DENND4A: variants seen among roughly 807,000 people sequenced by gnomAD.
DENND4A encodes DENN domain containing 4A.
DENND4A carries 70 observed loss-of-function variants against 199.3 expected under a neutral mutation model. The observed-to-expected ratio is 0.35, with a 90% confidence interval of 0.29 to 0.43. The LOEUF is 0.43. Ranked by LOEUF, DENND4A falls within the 20% of genes least tolerant of loss-of-function variation. The pLI is 1.00. For missense variants in DENND4A, 1,723 were observed against 2,255.8 expected (o/e 0.76, Z 4.78); for synonymous variants, 686 against 766.9 (o/e 0.89, Z 1.74).
chr15:65,722,017 T>C (rs957868315), intron 12 of DENND4A, among the ~76,000 whole-genome samples: 1 of 152,206 alleles, frequency 6.6e-6, no homozygotes, highest in African/African-American at 2.4e-5. Flanking sequence ...AACTTCGATT[T>C]TCAAACTTTA....
chr15:65,715,246 C>T (rs1343825821), intron 14 of DENND4A: 1 of 360,206 alleles, frequency 2.8e-6, no homozygotes, highest in Non-Finnish European at 4.9e-6. Flanking sequence ...GACTTGATTG[C>T]TACAATAAAA....
At chr15:65,729,355 TG>T in intron 10 of DENND4A, 108 bp from the exon 11 acceptor site, 1 of 1,371,800 alleles carries the variant, frequency 7.3e-7, no homozygotes, top group Non-Finnish European at 1.0e-6. Flanking sequence ...GCCTAATGCC[TG>T]ATAATGAATG....
intron 14 of DENND4A, among the ~76,000 whole-genome samples, chr15:65,706,913 T>C (rs1312195698): frequency 6.6e-6 from 1 of 152,238 alleles, no homozygotes; most frequent in Non-Finnish European, 1.5e-5. Flanking sequence ...GATGAATACA[T>C]ACCTTTTTAT....
At chr15:65,718,990 G>A (rs2075515588) in intron 12 of DENND4A, among the ~76,000 whole-genome samples, 1 of 151,220 alleles carries the variant, frequency 6.6e-6, no homozygotes, top group African/African-American at 2.4e-5. Flanking sequence ...GTGTTGGCGA[G>A]GCTAGTCTCG....
At position 65,746,139 on chromosome 15, in the gene DENND4A, C is replaced by T. The variant is rs1036529833; in HGVS notation, c.562-4355G>A. On this transcript the variant is annotated intron_variant, in intron 4 of 32. Transcript: ENST00000443035. ...CTGGGCGACAAGAGTGAAACTCCGTCTCAAAAAAAAAAAAAAGGAATTAAA... is the reference window on the plus strand; with the variant it reads ...CTGGGCGACAAGAGTGAAACTCCGTTTCAAAAAAAAAAAAAAGGAATTAAA... Among the ~76,000 whole-genome samples, 11 of 145,250 alleles carry T rather than the reference C, an allele frequency of 7.6e-5. 1 individual carries two copies. Among genetic ancestry groups the T allele is most frequent in the Admixed American group, 3.4e-4 (5 of 14,576 alleles).
chr15:65,791,411 C>T (rs2077718104), intron 1 of DENND4A, among the ~76,000 whole-genome samples: 1 of 151,826 alleles, frequency 6.6e-6, no homozygotes, highest in Non-Finnish European at 1.5e-5. Context: ...AAACAATAAA[C>T]TTCAAAGGGA....
At chr15:65,742,407 C>T (rs1300071653) in intron 4 of DENND4A, among the ~76,000 whole-genome samples, 1 of 151,900 alleles carries the variant, frequency 6.6e-6, no homozygotes, top group African/African-American at 2.4e-5. Context: ...CCTCAGTCTC[C>T]CAAGTAGCTG....
At chr15:65,720,945 G>GA (rs1555425636) in intron 12 of DENND4A, among the ~76,000 whole-genome samples, 2 of 47,838 alleles carry the variant, frequency 4.2e-5, no homozygotes, top group African/African-American at 1.6e-4. Flanking sequence ...CTGTTTCATT[G>GA]ATTATATATA....
chr15:65,750,536 A>G (rs1029085733), intron 4 of DENND4A, among the ~76,000 whole-genome samples: 1 of 152,226 alleles, frequency 6.6e-6, no homozygotes, highest in African/African-American at 2.4e-5. Flanking sequence ...AATTAAAAAA[A>G]AGGATTAATT....
rs74023359 is a variant in DENND4A at position 65,688,179 on chromosome 15, T to C, written c.4179+2236A>G. Reference sequence around the variant, plus strand: ...CCATTCTGTTATTTAACCCATTTGATCAGTTTACATTGGATTATATTTCAG... The same window carrying C: ...CCATTCTGTTATTTAACCCATTTGACCAGTTTACATTGGATTATATTTCAG... On this transcript the variant is annotated intron_variant, in intron 23 of 32. Coordinates refer to ENST00000443035, the MANE Select transcript of DENND4A (RefSeq NM_001320835.1). Among the ~76,000 whole-genome samples, 1,417 of 152,324 alleles carry C rather than the reference T, an allele frequency of 9.3e-3. 23 individuals are homozygous for C. The highest frequency in any genetic ancestry group is 0.032 in the African/African-American group (1,330 of 41,572).
chr15:65,731,702 TG>T lies in DENND4A; in HGVS notation c.1108-3del, dbSNP rs1480243498. On this transcript the variant is annotated splice_polypyrimidine_tract_variant and splice_region_variant and intron_variant, in intron 8 of 32. Transcript: ENST00000443035. ...AATCAGATTATCATGTGGTGATAAC[TG>T]GAAGAAGATTTAAAATAAAGAATTT... The T allele has an allele frequency of 1.9e-6, 3 of 1,546,086 alleles. No homozygotes were observed. The East Asian group carries it at 7.2e-5, about 37-fold the overall frequency.
At chr15:65,725,814 C>T (rs1407147438) in intron 11 of DENND4A, among the ~76,000 whole-genome samples, 1 of 152,092 alleles carries the variant, frequency 6.6e-6, no homozygotes, top group Non-Finnish European at 1.5e-5. Context: ...TCAGAAATTT[C>T]TTCATATTTA....
chr15:65,667,327 T>C, intron 29 of DENND4A, 122 bp downstream of exon 29: 1 of 1,229,064 alleles, frequency 8.1e-7, no homozygotes, highest in Non-Finnish European at 1.1e-6. Context: ...AGACTACGTC[T>C]CAAAAAATAA....
Position 65,729,521 on chromosome 15 carries a change from C to T in DENND4A, c.1311+13G>A, listed in dbSNP as rs1366879095. On this transcript the variant is annotated intron_variant, in intron 10 of 32. Transcript: ENST00000443035. ...AACTAAATTGACTGCCAATAAGAAA[C>T]TGTGATACTCACAGACACTAATGCT... is the stretch of plus-strand genomic sequence containing the variant. The T allele has an allele frequency of 6.3e-7, 1 of 1,598,646 alleles. No homozygotes were observed. The highest frequency in any genetic ancestry group is 2.2e-5 in the East Asian group (1 of 44,670).
chr15:65,691,069 A>G lies in DENND4A; in HGVS notation c.3525T>C (p.Asp1175=). 1 of 1,613,188 alleles carries G rather than the reference A, an allele frequency of 6.2e-7. No individual in the cohort carries two copies. Among genetic ancestry groups the G allele is most frequent in the African/African-American group, 1.3e-5 (1 of 75,046 alleles). ...TAGCAACACATCCTGCTTTTGATAC[A>G]TCTGTTTCACTGTCTAAGTCTTCTA... ...FDLEDLDSET[D]VSKAGCVATQ... The change falls in exon 23 of 33, where the codon GAT becomes GAC. Residue 1175 remains aspartate, a synonymous_variant. Coordinates refer to ENST00000443035, the MANE Select transcript of DENND4A (RefSeq NM_001320835.1).
At position 65,732,809 on chromosome 15, in the gene DENND4A, A is replaced by G. The variant is rs747637408; in HGVS notation, c.1050T>C (p.Ser350=). 4 of 1,592,642 alleles carry G rather than the reference A, an allele frequency of 2.5e-6. No homozygotes were observed. The South Asian group carries it at 4.4e-5, about 18-fold the overall frequency. The change falls in exon 8 of 33, where the codon TCT becomes TCC. Residue 350 remains serine (S), a synonymous_variant. Transcript: ENST00000443035. ...GAAAAGGAACTTTATGCATAAAATG[A>G]GAAATATGCCTTGAAAACAAACAAA... ...PHVLPIEKHI[S]HFMHKVPFPS...
At chr15:65,783,935 T>G (rs778448905) in intron 1 of DENND4A, among the ~76,000 whole-genome samples, 9 of 152,186 alleles carry the variant, frequency 5.9e-5, no homozygotes, top group Non-Finnish European at 1.2e-4. Context: ...AATTAATGAC[T>G]TGTTTCCAAA....
intron 5 of DENND4A, among the ~76,000 whole-genome samples, chr15:65,739,899 G>A (rs757702953): frequency 2.0e-5 from 3 of 152,160 alleles, no homozygotes; most frequent in East Asian, 1.9e-4. Flanking sequence ...GATGAAGGCC[G>A]GCTGGGCGTG....
intron 23 of DENND4A, among the ~76,000 whole-genome samples, chr15:65,686,107 A>G (rs1474564513): frequency 6.6e-6 from 1 of 152,168 alleles, no homozygotes; most frequent in Non-Finnish European, 1.5e-5. Flanking sequence ...TTTAGATGCC[A>G]ATGTAGGGAG....
Sources: allele counts gnomAD v4.1 joint callset (sites outside exome capture counted in the v4.1 genomes callset), GRCh38; gene constraint gnomAD v4.1.1; transcripts MANE v1.5; gene names NCBI Gene and HGNC (gene_info 2026-07-23, HGNC 2026-07-21).